CTBP1: variants seen among roughly 807,000 people sequenced by gnomAD.
CTBP1 encodes C-terminal binding protein 1, also known as C-terminal-binding protein 1.
CTBP1 carries 11 observed loss-of-function variants against 42.1 expected under a neutral mutation model. The ratio of observed to expected loss-of-function variants is 0.26; its 90% confidence interval spans 0.16 to 0.43. CTBP1 has a LOEUF of 0.43. CTBP1 is among the 20% of genes least tolerant of loss of function. The probability of loss-of-function intolerance (pLI) is 1.00; values close to 1 mark genes in which losing one functional copy is unlikely to be tolerated. For synonymous variants in CTBP1, 324 were observed against 277.1 expected (o/e 1.17, Z -1.68); for missense variants, 399 against 624.3 (o/e 0.64, Z 3.85).
rs1051215905 is a variant in CTBP1, at chr4:1,233,376, C to T, written c.162+4807G>A. 8.5e-5 allele frequency among the ~76,000 whole-genome samples: 13 copies of T among 152,238 alleles called. No individual in the cohort carries two copies. Among genetic ancestry groups the T allele is most frequent in the African/African-American group, 2.7e-4 (11 of 41,464 alleles). ...TGGCGGAGCTTTCTGGTGGCCTCCC[C>T]ACCCCCAAGGCGTGGAGATGCTTGT... On this transcript the variant is annotated intron_variant, in intron 3 of 9. Transcript: ENST00000382952. This position sits in a 1 kb window ranked among gnomAD's most constrained non-coding sequence, Gnocchi z 4.6.
intron 1 of CTBP1, 63 bp downstream of exon 1, chr4:1,248,853 G>A (rs1439496320): frequency 2.6e-5 from 21 of 796,980 alleles, no homozygotes; most frequent in African/African-American, 5.8e-5. Context: ...CCCCCCGCCC[G>A]CGCGGCACCC....
At chr4:1,229,775 G>A (rs1730767886) in intron 3 of CTBP1, among the ~76,000 whole-genome samples, 1 of 152,168 alleles carries the variant, frequency 6.6e-6, no homozygotes, top group South Asian at 2.1e-4. Flanking sequence ...TACAGTGCCC[G>A]GACCTCCAGC....
chr4:1,223,483 C>CA, intron 5 of CTBP1: 1 of 456,126 alleles, frequency 2.2e-6, no homozygotes, highest in South Asian at 1.5e-5. Context: ...GCTGGCGGGA[C>CA]AAGGACAGCG....
intron 3 of CTBP1, chr4:1,236,566 C>A: frequency 1.5e-6 from 1 of 666,162 alleles, no homozygotes; most frequent in Non-Finnish European, 2.7e-6. Flanking sequence ...CAGGACAAAC[C>A]GAGTGTCCAC....
chr4:1,223,852 G>A (rs906765662), intron 5 of CTBP1, among the ~76,000 whole-genome samples: 36 of 152,302 alleles, frequency 2.4e-4, no homozygotes, highest in Non-Finnish European at 4.4e-4. Context: ...CACGCTTGCC[G>A]CTCTGAGCTC....
chr4:1,247,058 T>C (rs1732791243), intron 1 of CTBP1, among the ~76,000 whole-genome samples: 1 of 152,098 alleles, frequency 6.6e-6, no homozygotes, highest in South Asian at 2.1e-4. Flanking sequence ...CAGCCCACAG[T>C]CCTGTGCACC....
At chr4:1,244,417 C>T in intron 1 of CTBP1, 4 of 985,040 alleles carry the variant, frequency 4.1e-6, no homozygotes, top group Non-Finnish European at 3.6e-6. Context: ...AAGCAGCTAC[C>T]CCTGTTCCTT....
chr4:1,248,708 C>T (rs1233674641), intron 1 of CTBP1: 3 of 981,758 alleles, frequency 3.1e-6, no homozygotes, highest in African/African-American at 3.5e-5. Flanking sequence ...CTCGCGCACA[C>T]GCAGCGGCCC....
At chr4:1,234,127 G>A (rs1731244087) in intron 3 of CTBP1, among the ~76,000 whole-genome samples, 1 of 152,228 alleles carries the variant, frequency 6.6e-6, no homozygotes. Context: ...AGCGTGGGCA[G>A]CCAAGTCCTC....
intron 4 of CTBP1, among the ~76,000 whole-genome samples, chr4:1,227,823 C>T (rs534738025): frequency 1.2e-4 from 19 of 152,362 alleles, no homozygotes; most frequent in African/African-American, 4.3e-4. Context: ...GGTTGCAACA[C>T]GCTGCTGTTC....
At chr4:1,221,730 C>A (rs565477068) in intron 5 of CTBP1, 147 of 383,550 alleles carry the variant, frequency 3.8e-4, no homozygotes, top group Admixed American at 3.5e-4. Context: ...CGTCGCGGGG[C>A]CGCCACGGGA....
intron 3 of CTBP1, among the ~76,000 whole-genome samples, chr4:1,231,934 C>T (rs1284783526): frequency 2.0e-5 from 3 of 152,270 alleles, no homozygotes; most frequent in Non-Finnish European, 4.4e-5. Context: ...TGTGAGAACC[C>T]AGGAGGCGCA....
At chr4:1,213,748 G>T (rs1728797162) in intron 7 of CTBP1, 143 bp from the exon 8 acceptor site, 11 of 1,151,022 alleles carry the variant, frequency 9.6e-6, no homozygotes, top group Non-Finnish European at 1.3e-5. Context: ...CGGCAGGCTG[G>T]CTGAGCTCAA....
At position 1,216,117 on chromosome 4, in the gene CTBP1, C is replaced by T; in HGVS notation, c.603G>A (p.Glu201=). 6.2e-7 allele frequency: 1 copy of T among 1,611,426 alleles called. No individual in the cohort carries two copies. Among genetic ancestry groups the T allele is most frequent in the Non-Finnish European group, 8.5e-7 (1 of 1,179,902 alleles). Reference sequence around the variant, plus strand: ...TGACACGCTGCAGCCCCAGCGCCCGCTCCACGCCATCCGACAAGTAAGGGT... The same window carrying T: ...TGACACGCTGCAGCCCCAGCGCCCGTTCCACGCCATCCGACAAGTAAGGGT... ...FYDPYLSDGV[E]RALGLQRVST... The change falls in exon 6 of 10, where the codon GAG becomes GAA. Residue 201 remains glutamate, a synonymous_variant. Transcript: ENST00000382952.
chr4:1,242,211 G>A (rs1577076632), intron 1 of CTBP1: 21 of 985,332 alleles, frequency 2.1e-5, no homozygotes, highest in Admixed American at 1.2e-4. Flanking sequence ...GCCCCTGAGA[G>A]GGCCAAGCCT....
In CTBP1 at chr4:1,212,217, G is replaced by T. The variant is rs375089554; in HGVS notation, c.*23C>A. On this transcript the variant is annotated 3_prime_UTR_variant, in exon 10 of 10. Transcript: ENST00000382952. ...TTTCCGGGCCCTCTGCCCAGGCGCCGAGGCTGGAGAGCTCCTCCCGGGCTA... is the reference window on the plus strand; with the variant it reads ...TTTCCGGGCCCTCTGCCCAGGCGCCTAGGCTGGAGAGCTCCTCCCGGGCTA... The T allele has an allele frequency of 2.1e-6, 3 of 1,420,068 alleles. No individual in the cohort carries two copies. The highest frequency in any genetic ancestry group is 1.8e-6 in the Non-Finnish European group (2 of 1,083,548). 88.0% of individuals were successfully genotyped at this position (1,420,068 alleles called of 1,614,324 possible).
At chr4:1,213,073 G>T (rs372078683) in intron 8 of CTBP1, 43 bp from the exon 9 acceptor site, 4 of 1,564,828 alleles carry the variant, frequency 2.6e-6, no homozygotes, top group Non-Finnish European at 8.8e-7. Flanking sequence ...CTCTGAGGGG[G>T]CCCCAGGAGC....
chr4:1,249,016 G>C lies in CTBP1; in HGVS notation c.-289C>G, dbSNP rs1192213005. ...CGGCGCGCTGCGCCGCCGCGAGCCC[G>C]GCGCGTGGGGCGGCCTCGGCGCCGT... On this transcript the variant is annotated 5_prime_UTR_variant, in exon 1 of 10. Transcript: ENST00000382952. 1.2e-6 allele frequency: 1 copy of C among 827,418 alleles called. No individual in the cohort carries two copies. The highest frequency in any genetic ancestry group is 1.5e-6 in the Non-Finnish European group (1 of 689,138). The allele number at this position is 827,418 out of a possible 1,614,324, so 51.3% of individuals were successfully genotyped here.
At position 1,238,063 on chromosome 4, in the gene CTBP1, G is replaced by C; in HGVS notation, c.162+120C>G. ...CTGACGGCGCGGGACGACTGGGACA[G>C]AGGCTGCTCCTGCCCCAGTGGCACC... On this transcript the variant is annotated intron_variant, in intron 3 of 9. Coordinates refer to ENST00000382952, the MANE Select transcript of CTBP1 (RefSeq NM_001012614.2). This position sits in a 1 kb window ranked among gnomAD's most constrained non-coding sequence, Gnocchi z 5.9. The C allele has an allele frequency of 1.5e-6, 2 of 1,332,068 alleles. No homozygotes were observed. The highest frequency in any genetic ancestry group is 2.1e-6 in the Non-Finnish European group (2 of 932,646). The allele number at this position is 1,332,068 out of a possible 1,614,324, so 82.5% of individuals were successfully genotyped here.
Sources: gnomAD v4.1 joint callset for allele counts (sites outside exome capture counted in the v4.1 genomes callset) on GRCh38, gnomAD v4.1.1 for gene constraint, Gnocchi (gnomAD v3.1) non-coding constraint, MANE v1.5 for transcripts, NCBI Gene and HGNC (gene_info 2026-07-23, HGNC 2026-07-21) for gene names.